SPATS2: variants seen among roughly 807,000 people sequenced by gnomAD.
SPATS2 encodes the protein spermatogenesis associated serine rich 2, also known as spermatogenesis-associated serine-rich protein 2.
SPATS2 carries 38 observed loss-of-function variants against 63.7 expected under a neutral mutation model. That is an observed-to-expected ratio of 0.60 (90% CI 0.46 to 0.78). The LOEUF is 0.78. Among genes scored for constraint, SPATS2 ranks in the 30% least tolerant of loss-of-function variants. The pLI is 0.00. For synonymous variants in SPATS2, 207 were observed against 232.9 expected, an observed-to-expected ratio of 0.89 and a Z score of 1.01; for missense variants, 588 against 666.2, an observed-to-expected ratio of 0.88 and a Z score of 1.29.
chr12:49,519,227 G>A (rs370628103), intron 11 of SPATS2, 45 bp downstream of exon 11: 5 of 1,479,944 alleles, frequency 3.4e-6, no homozygotes, highest in Non-Finnish European at 4.6e-6. Context: ...ATCCTCAGGG[G>A]CTAAAGTAAG....
intron 2 of SPATS2, among the ~76,000 whole-genome samples, chr12:49,444,610 T>C (rs191950956): frequency 1.3e-5 from 2 of 152,270 alleles, no homozygotes; most frequent in East Asian, 1.9e-4. Flanking sequence ...TTACTTGCTT[T>C]CTATTTTTTT....
At chr12:49,514,168 A>G (rs1946800715) in intron 9 of SPATS2, among the ~76,000 whole-genome samples, 1 of 152,126 alleles carries the variant, frequency 6.6e-6, no homozygotes, top group Non-Finnish European at 1.5e-5. Context: ...AAAAAAAAAA[A>G]AAGTATGTGA....
chr12:49,496,312 T>C (rs1946462557), intron 7 of SPATS2, among the ~76,000 whole-genome samples: 1 of 152,210 alleles, frequency 6.6e-6, no homozygotes, highest in African/African-American at 2.4e-5. Context: ...CTGGTCTCTC[T>C]CTGTTGCCCA....
chr12:49,480,861 TA>T (rs1234450287), intron 3 of SPATS2, among the ~76,000 whole-genome samples: 2 of 152,042 alleles, frequency 1.3e-5, no homozygotes, highest in African/African-American at 4.8e-5. Context: ...TAAACAAAAT[TA>T]ATTCTAAAAC....
chr12:49,414,752 A>G (rs1482467391), intron 2 of SPATS2, among the ~76,000 whole-genome samples: 1 of 151,758 alleles, frequency 6.6e-6, no homozygotes, highest in Non-Finnish European at 1.5e-5. Context: ...ATAGGCAGGC[A>G]CATGCCTGGC....
chr12:49,429,431 A>G (rs1382224555), intron 2 of SPATS2, among the ~76,000 whole-genome samples: 1 of 152,024 alleles, frequency 6.6e-6, no homozygotes, highest in Non-Finnish European at 1.5e-5. Context: ...CATATTCACC[A>G]TTTTGACCTG....
Position 49,484,674 on chromosome 12 carries a change from G to T in SPATS2, c.105+5G>T. The T allele has an allele frequency of 6.2e-7, 1 of 1,613,582 alleles. No individual in the cohort carries two copies. The highest frequency in any genetic ancestry group is 8.5e-7 in the Non-Finnish European group (1 of 1,179,624). ...TTTGAGAACATGAAAGAGAAGGTAA[G>T]ACTAGTCACTATGGATAGTAAACTT... is the stretch of plus-strand genomic sequence containing the variant. On this transcript the variant is annotated splice_donor_5th_base_variant and intron_variant, in intron 4 of 13. Transcript: ENST00000552918.
chr12:49,521,855 C>T (rs929981070), intron 11 of SPATS2, among the ~76,000 whole-genome samples: 3 of 152,094 alleles, frequency 2.0e-5, no homozygotes, highest in Admixed American at 1.3e-4. Context: ...AATTCAAGGC[C>T]GGAAGGTCAT....
At chr12:49,504,766 C>CTTTT (rs1946627596) in intron 9 of SPATS2, among the ~76,000 whole-genome samples, 4 of 104,524 alleles carry the variant, frequency 3.8e-5, no homozygotes, top group African/African-American at 1.2e-4. Context: ...TTCTTTCTTT[C>CTTTT]TTTCTTTTTT....
At chr12:49,504,520 TTGA>T (rs1325715898) in intron 9 of SPATS2, among the ~76,000 whole-genome samples, 14 of 152,150 alleles carry the variant, frequency 9.2e-5, no homozygotes, top group African/African-American at 3.1e-4. Context: ...CTATAATGTG[TTGA>T]TGAAAAATGC....
chr12:49,378,657 A>G (rs549213477), intron 2 of SPATS2, among the ~76,000 whole-genome samples: 2 of 151,332 alleles, frequency 1.3e-5, no homozygotes, highest in South Asian at 4.2e-4. Flanking sequence ...GTGCAGTGGC[A>G]TGATCATGGC....
Position 49,497,152 on chromosome 12 carries a change from T to TTAA in SPATS2, c.703+143_703+144insTAA, listed in dbSNP as rs1946476801. 4.8e-5 allele frequency: 38 copies of TTAA among 795,798 alleles called. No homozygotes were observed. The South Asian group carries it at 7.3e-4, about 15-fold the overall frequency. The allele number at this position is 795,798 out of a possible 1,614,324, so 49.3% of individuals were successfully genotyped here. A position where few individuals can be genotyped will look rare whatever the true frequency, so the allele number is the denominator to read the frequency against. The stretch of plus-strand genomic sequence containing the variant: ...CATTTTCCAGACAGTGACTGACTAC[T>TTAA]CAGCCCTTCCCCTAACCTTTGTGTA... On this transcript the variant is annotated intron_variant, in intron 8 of 13. Coordinates refer to ENST00000552918, the MANE Select transcript of SPATS2 (RefSeq NM_023071.4).
intron 9 of SPATS2, among the ~76,000 whole-genome samples, chr12:49,505,021 C>T (rs1443633777): frequency 6.6e-6 from 1 of 151,632 alleles, no homozygotes; most frequent in African/African-American, 2.4e-5. Flanking sequence ...GCTTCAGCCT[C>T]CCAGAGTGCT....
At chr12:49,383,911 G>A (rs1944266184) in intron 2 of SPATS2, among the ~76,000 whole-genome samples, 1 of 152,122 alleles carries the variant, frequency 6.6e-6, no homozygotes, top group Non-Finnish European at 1.5e-5. Context: ...ACATTTTGGT[G>A]AATACTACTA....
chr12:49,481,228 C>T (rs866137934), intron 3 of SPATS2, among the ~76,000 whole-genome samples: 1 of 152,054 alleles, frequency 6.6e-6, no homozygotes, highest in African/African-American at 2.4e-5. Context: ...GGCGTGGTAG[C>T]GCGTGCCTGT....
At chr12:49,372,085 G>A (rs551259791) in intron 2 of SPATS2, among the ~76,000 whole-genome samples, 5 of 151,588 alleles carry the variant, frequency 3.3e-5, no homozygotes, top group Admixed American at 1.3e-4. Flanking sequence ...TTGTTCTGTC[G>A]CCCAGGCTGG....
intron 3 of SPATS2, among the ~76,000 whole-genome samples, chr12:49,483,087 C>G (rs577274001): frequency 1.4e-5 from 2 of 145,208 alleles, no homozygotes; most frequent in African/African-American, 5.2e-5. Context: ...CCACACCCAG[C>G]CTTTCCTTTG....
At chr12:49,397,118 T>C (rs1944525615) in intron 2 of SPATS2, among the ~76,000 whole-genome samples, 1 of 152,210 alleles carries the variant, frequency 6.6e-6, no homozygotes, top group Non-Finnish European at 1.5e-5. Context: ...TGGAATGTTC[T>C]TCACTGCCAC....
At chr12:49,453,206 G>A (rs1012693568) in intron 2 of SPATS2, among the ~76,000 whole-genome samples, 1 of 151,358 alleles carries the variant, frequency 6.6e-6, no homozygotes, top group Non-Finnish European at 1.5e-5. Context: ...GCGAAGTGTA[G>A]CATTTGGGCC....
Sources: gnomAD v4.1 joint callset for allele counts (sites outside exome capture counted in the v4.1 genomes callset) on GRCh38, gnomAD v4.1.1 for gene constraint, MANE v1.5 for transcripts, NCBI Gene and HGNC (gene_info 2026-07-23, HGNC 2026-07-21) for gene names.